XPO7: variants seen among roughly 807,000 people sequenced by gnomAD.
The protein encoded by XPO7 is exportin 7, also known as exportin-7.
In XPO7, 21 loss-of-function variants were observed where a neutral mutation model predicts 144.3. That is an observed-to-expected ratio of 0.15 (90% CI 0.10 to 0.21). The LOEUF (loss-of-function observed/expected upper bound fraction) is 0.21. Among genes scored for constraint, XPO7 ranks in the 10% least tolerant of loss-of-function variants. The pLI is 1.00. For synonymous variants in XPO7, 580 were observed against 499.6 expected, an observed-to-expected ratio of 1.16 and a Z score of -2.15; for missense variants, 808 against 1,325.8, an observed-to-expected ratio of 0.61 and a Z score of 6.06.
rs374200263 is a variant in XPO7, at chr8:21,976,336, T to C, written c.598-20T>C. 28 of 1,609,506 alleles carry C rather than the reference T, an allele frequency of 1.7e-5. No individual in the cohort carries two copies. The highest frequency in any genetic ancestry group is 2.7e-5 in the African/African-American group (2 of 74,974). On this transcript the variant is annotated intron_variant, in intron 6 of 27. Coordinates refer to ENST00000252512, the MANE Select transcript of XPO7 (RefSeq NM_015024.5). The stretch of plus-strand genomic sequence containing the variant: ...AGAGAGGAGTGATTTTGGGGACTCA[T>C]TATGTGGTAATTTTTACAGGCTTCA...
chr8:21,994,504 A>C lies in XPO7; in HGVS notation c.2237+53A>C. The C allele has an allele frequency of 7.3e-6, 11 of 1,509,180 alleles. No homozygotes were observed. In the South Asian group the frequency reaches 1.3e-4, roughly 17 times the overall value. 93.5% of individuals were successfully genotyped at this position (1,509,180 alleles called of 1,614,324 possible). On this transcript the variant is annotated intron_variant, in intron 20 of 27. Transcript: ENST00000252512. ...TACAGCCTGCCTTAACTGGAGTGTG[A>C]TTGGGTGATAGGGTCCAGAGACGGT...
intron 1 of XPO7, among the ~76,000 whole-genome samples, chr8:21,956,971 T>C (rs887707396): frequency 2.6e-5 from 4 of 152,150 alleles, no homozygotes; most frequent in African/African-American, 9.7e-5. Context: ...TAATACAGAG[T>C]TGACTGGAAC....
chr8:21,944,855 C>T (rs1811123549), intron 1 of XPO7, among the ~76,000 whole-genome samples: 1 of 152,210 alleles, frequency 6.6e-6, no homozygotes, highest in South Asian at 2.1e-4. Context: ...CAAAGCACAT[C>T]TTGCACCGCC....
intron 1 of XPO7, among the ~76,000 whole-genome samples, chr8:21,937,984 A>C (rs1810874866): frequency 6.6e-6 from 1 of 152,178 alleles, no homozygotes; most frequent in Non-Finnish European, 1.5e-5. Context: ...CTTTCATATC[A>C]ATTTTTTTTC....
intron 1 of XPO7, among the ~76,000 whole-genome samples, chr8:21,935,687 G>A (rs1236680214): frequency 3.3e-5 from 5 of 152,148 alleles, no homozygotes; most frequent in African/African-American, 9.7e-5. Flanking sequence ...ATTTAGTAGT[G>A]GTGTAGTAGT....
intron 1 of XPO7, among the ~76,000 whole-genome samples, chr8:21,936,245 C>G (rs1810818592): frequency 6.6e-6 from 1 of 152,026 alleles, no homozygotes; most frequent in Non-Finnish European, 1.5e-5. Context: ...TTCCGATTAG[C>G]AGCCATTTGT....
chr8:21,949,684 G>C (rs934527151), intron 1 of XPO7, among the ~76,000 whole-genome samples: 3 of 151,648 alleles, frequency 2.0e-5, no homozygotes, highest in African/African-American at 7.3e-5. Context: ...CCCTCTGCCA[G>C]GAGTCAGGTG....
Position 22,006,334 on chromosome 8 carries a change from C to T in XPO7, c.*1246C>T, listed in dbSNP as rs1280508601. The T allele has an allele frequency of 6.6e-6, 1 of 152,104 alleles. No homozygotes were observed. The highest frequency in any genetic ancestry group is 1.5e-5 in the Non-Finnish European group (1 of 67,998). 9.4% of individuals were successfully genotyped at this position (152,104 alleles called of 1,614,324 possible). On this transcript the variant is annotated 3_prime_UTR_variant, in exon 28 of 28. Coordinates refer to ENST00000252512, the MANE Select transcript of XPO7 (RefSeq NM_015024.5). ...ACAGCTATTTGCCTTGTACTTTTTC[C>T]ACAATTGTTGCTGCTAGTTGTACAC... is the stretch of plus-strand genomic sequence containing the variant.
At chr8:21,940,708 A>G (rs1032058149) in intron 1 of XPO7, among the ~76,000 whole-genome samples, 1 of 152,060 alleles carries the variant, frequency 6.6e-6, no homozygotes, top group Non-Finnish European at 1.5e-5. Flanking sequence ...ACCTCAGGTG[A>G]TCCACCTGCC....
At chr8:21,985,010 G>A (rs539558919) in intron 12 of XPO7, among the ~76,000 whole-genome samples, 171 bp downstream of exon 12, 1 of 152,336 alleles carries the variant, frequency 6.6e-6, no homozygotes, top group South Asian at 2.1e-4. Flanking sequence ...AGGGACTAGG[G>A]AAGAAGAACT....
intron 1 of XPO7, among the ~76,000 whole-genome samples, chr8:21,958,153 A>C (rs1811601150): frequency 6.6e-6 from 1 of 152,200 alleles, no homozygotes; most frequent in Non-Finnish European, 1.5e-5. Flanking sequence ...AAATATAATT[A>C]TGTTTCTATG....
At chr8:21,958,213 C>G (rs1811603053) in intron 1 of XPO7, among the ~76,000 whole-genome samples, 1 of 151,744 alleles carries the variant, frequency 6.6e-6, no homozygotes, top group Non-Finnish European at 1.5e-5. Context: ...TAAAACTGAT[C>G]CTCATTATTC....
At chr8:21,940,724 C>T (rs189778690) in intron 1 of XPO7, among the ~76,000 whole-genome samples, 4 of 152,188 alleles carry the variant, frequency 2.6e-5, no homozygotes, top group African/African-American at 4.8e-5. Context: ...CTGCCTTGGC[C>T]TCCCAAAGTG....
intron 1 of XPO7, among the ~76,000 whole-genome samples, chr8:21,923,225 G>A (rs757354044): frequency 6.6e-6 from 1 of 152,166 alleles, no homozygotes; most frequent in African/African-American, 2.4e-5. Context: ...GCACTTCAGA[G>A]GATTCAGAAT....
intron 1 of XPO7, among the ~76,000 whole-genome samples, chr8:21,961,116 C>T (rs1388304736): frequency 6.6e-6 from 1 of 151,756 alleles, no homozygotes; most frequent in African/African-American, 2.4e-5. Context: ...TATTTGGGAA[C>T]TGTTAACATT....
chr8:22,001,978 A>T (rs1284308207), intron 24 of XPO7, 134 bp from the exon 25 acceptor site: 2 of 981,038 alleles, frequency 2.0e-6, no homozygotes, highest in African/African-American at 1.6e-5. Context: ...TTAAGAGGTT[A>T]ACAGGAGTCA....
chr8:21,969,035 T>C (rs1482018103), intron 2 of XPO7, among the ~76,000 whole-genome samples: 1 of 152,256 alleles, frequency 6.6e-6, no homozygotes, highest in Non-Finnish European at 1.5e-5. Context: ...CATAGTGTGA[T>C]GGTTTCCTCT....
intron 9 of XPO7, 93 bp downstream of exon 9, chr8:21,980,296 A>C: frequency 7.1e-7 from 1 of 1,416,018 alleles, no homozygotes; most frequent in South Asian, 1.5e-5. Flanking sequence ...CCCAGTAAAC[A>C]ATTCAGTCTG....
intron 1 of XPO7, among the ~76,000 whole-genome samples, chr8:21,946,586 C>CCA (rs374775477): frequency 2.5e-5 from 3 of 121,566 alleles, no homozygotes; most frequent in Non-Finnish European, 3.4e-5. Context: ...AAAAAAAAAA[C>CCA]AAAAAAAAAA....
Sources: allele counts gnomAD v4.1 joint callset (sites outside exome capture counted in the v4.1 genomes callset), GRCh38; gene constraint gnomAD v4.1.1; transcripts MANE v1.5; gene names NCBI Gene and HGNC (gene_info 2026-07-23, HGNC 2026-07-21).